Variants in TMEM164 observed in about 807,000 individuals in gnomAD.
TMEM164 encodes transmembrane protein 164.
Under a neutral mutation model 18.8 loss-of-function variants are expected in TMEM164, and 4 were observed. That is an observed-to-expected ratio of 0.21 (90% confidence interval 0.10 to 0.49). The LOEUF (loss-of-function observed/expected upper bound fraction) is 0.49. Among genes scored for constraint, TMEM164 ranks in the 20% least tolerant of loss-of-function variants. The probability of loss-of-function intolerance (pLI) is 0.98; values close to 1 mark genes in which losing one functional copy is unlikely to be tolerated. For missense variants in TMEM164, 108 were observed against 239.9 expected (o/e 0.45, Z 3.63); for synonymous variants, 86 against 101.7 (o/e 0.85, Z 0.93).
rs1483838890 is a variant in TMEM164, at chrX:110,046,192, G to A, written c.391-21155G>A. ...TATTTCTGTCAAGCTCAGTGCTGAC[G>A]TTATGGGCTTTGAATCCGTGTTCCT... On this transcript the variant is annotated intron_variant, in intron 2 of 6. Transcript: ENST00000372068. 45 of 753,201 alleles carry A rather than the reference G, an allele frequency of 6.0e-5. No homozygotes were observed. The Middle Eastern group carries it at 2.2e-3, about 37-fold the overall frequency. The allele number at this position is 753,201 out of a possible 1,213,427, so 62.1% of individuals were successfully genotyped here. A position where few individuals can be genotyped will look rare whatever the true frequency, so the allele number is the denominator to read the frequency against.
At chrX:110,062,073 A>G (rs1936145543) in intron 2 of TMEM164, among the ~76,000 whole-genome samples, 1 of 112,502 alleles carries the variant, frequency 8.9e-6, no homozygotes, top group African/African-American at 3.2e-5. Flanking sequence ...GGAATGACAA[A>G]TACATCTGAT....
chrX:110,132,580 C>T (rs2066628388), intron 4 of TMEM164, among the ~76,000 whole-genome samples: 1 of 111,713 alleles, frequency 9.0e-6, no homozygotes, highest in African/African-American at 3.3e-5. Context: ...TTCTGGCCCT[C>T]ATAAAAAGGG....
downstream of TMEM164, among the ~76,000 whole-genome samples, chrX:110,177,973 A>G (rs193186323): frequency 1.8e-5 from 2 of 111,779 alleles, no homozygotes; most frequent in Non-Finnish European, 3.8e-5. Context: ...CACATTGCCT[A>G]CTTCTGCCAG....
At chrX:110,152,501 T>C (rs763859382) in intron 5 of TMEM164, among the ~76,000 whole-genome samples, 2 of 111,951 alleles carry the variant, frequency 1.8e-5, no homozygotes, top group Non-Finnish European at 3.8e-5. Flanking sequence ...TTATTATTTT[T>C]TACATTTAAG....
At chrX:110,118,622 C>T (rs1374074432) in intron 4 of TMEM164, among the ~76,000 whole-genome samples, 1 of 111,162 alleles carries the variant, frequency 9.0e-6, no homozygotes, top group African/African-American at 3.3e-5. Context: ...CGCTGGACAC[C>T]AAATTCCAAA....
At chrX:110,022,199 ATG>A (rs754713777) in intron 2 of TMEM164, among the ~76,000 whole-genome samples, 13 of 107,252 alleles carry the variant, frequency 1.2e-4, no homozygotes, top group African/African-American at 2.0e-4. Context: ...ACCACTAGAA[ATG>A]TGTGTGTGTG....
Position 110,003,177 on chromosome X carries a change from G to A in TMEM164, c.-276G>A, listed in dbSNP as rs1358674574. The stretch of plus-strand genomic sequence containing the variant: ...CAGGAGTAAGAGATCCCTCTGTGGC[G>A]AGTGCGTGAGACGAGGAGTCCGGCG... On this transcript the variant is annotated splice_region_variant and 5_prime_UTR_variant, in exon 1 of 7. Transcript: ENST00000372068. The A allele has an allele frequency of 8.9e-6, 1 of 112,706 alleles. No individual in the cohort carries two copies. Among genetic ancestry groups the A allele is most frequent in the Non-Finnish European group, 1.9e-5 (1 of 53,349 alleles). 9.3% of individuals were successfully genotyped at this position (112,706 alleles called of 1,213,427 possible).
intron 4 of TMEM164, among the ~76,000 whole-genome samples, chrX:110,131,296 C>T (rs1487978379): frequency 8.9e-6 from 1 of 111,878 alleles, no homozygotes; most frequent in African/African-American, 3.3e-5. Context: ...AGATGCTTTC[C>T]TGCTTGCCTT....
In TMEM164 at chrX:110,139,565, T is replaced by C. The variant is rs181000448; in HGVS notation, c.508-5233T>C. On this transcript the variant is annotated intron_variant, in intron 4 of 6. Transcript: ENST00000372068. Reference sequence around the variant, plus strand: ...TGAAAGTCTGGCACTAAGTTTGTTGTCATGAATGTAAAGGGTTAATAGCAT... The same window carrying C: ...TGAAAGTCTGGCACTAAGTTTGTTGCCATGAATGTAAAGGGTTAATAGCAT... 7.1e-3 allele frequency among the ~76,000 whole-genome samples: 798 copies of C among 112,136 alleles called. 7 individuals carry two copies. Among genetic ancestry groups the C allele is most frequent in the African/African-American group, 0.023 (700 of 30,825 alleles).
At position 110,143,804 on chromosome X, in the gene TMEM164, GGTGTGTGTGT is replaced by G. The variant is rs759024255; in HGVS notation, c.508-973_508-964del. On this transcript the variant is annotated intron_variant, in intron 4 of 6. Coordinates refer to ENST00000372068, the MANE Select transcript of TMEM164 (RefSeq NM_032227.4). ...CTTTGTCTGTCCTGGCATACTTTGGGGTGTGTGTGTGTGTGTGTGTGTGTGTGTGTACACG... is the reference window on the plus strand; with the variant it reads ...CTTTGTCTGTCCTGGCATACTTTGGGGTGTGTGTGTGTGTGTGTGTACACG... Among the ~76,000 whole-genome samples, 4 of 103,074 alleles carry G rather than the reference GGTGTGTGTGT, an allele frequency of 3.9e-5. No homozygotes were observed. In the East Asian group the frequency reaches 9.1e-4, roughly 23 times the overall value. The allele number at this position is 103,074 out of a possible 115,157, so 89.5% of individuals were successfully genotyped here.
At chrX:110,093,936 C>T (rs879193927) in intron 3 of TMEM164, among the ~76,000 whole-genome samples, 7 of 111,578 alleles carry the variant, frequency 6.3e-5, no homozygotes, top group African/African-American at 1.6e-4. Flanking sequence ...GCCTTCATTT[C>T]GTTATGTACC....
intron 3 of TMEM164, among the ~76,000 whole-genome samples, chrX:110,090,634 G>A (rs994909629): frequency 2.7e-5 from 3 of 111,450 alleles, no homozygotes; most frequent in South Asian, 3.7e-4. Context: ...TTAAACATAC[G>A]GAAAAGTGAA....
chrX:110,179,202 G>T (rs1421364218), downstream of TMEM164, among the ~76,000 whole-genome samples: 2 of 111,366 alleles, frequency 1.8e-5, no homozygotes, highest in Admixed American at 9.5e-5. Context: ...TTTCCCCATG[G>T]GTTCCTTTTT....
At position 110,025,779 on chromosome X, in the gene TMEM164, T is replaced by C. The variant is rs756217464; in HGVS notation, c.390+21615T>C. On this transcript the variant is annotated intron_variant, in intron 2 of 6. Coordinates refer to ENST00000372068, the MANE Select transcript of TMEM164 (RefSeq NM_032227.4). ...CCTCTGGTCTCAGTAAGAAGGAGAATTGAAATACTCAGTGTCACACTCATT... is the reference window on the plus strand; with the variant it reads ...CCTCTGGTCTCAGTAAGAAGGAGAACTGAAATACTCAGTGTCACACTCATT... Among the ~76,000 whole-genome samples the C allele has an allele frequency of 2.7e-5, 3 of 112,066 alleles. No homozygotes were observed. The South Asian group carries it at 1.1e-3, about 42-fold the overall frequency.
chrX:110,015,338 A>G (rs777568871), intron 2 of TMEM164, among the ~76,000 whole-genome samples: 8 of 112,011 alleles, frequency 7.1e-5, no homozygotes, highest in Admixed American at 1.9e-4. Context: ...CATGTTTTCT[A>G]TAACCTGGTT....
At chrX:110,132,810 T>C (rs992518376) in intron 4 of TMEM164, among the ~76,000 whole-genome samples, 2 of 112,024 alleles carry the variant, frequency 1.8e-5, no homozygotes, top group Admixed American at 1.9e-4. Context: ...TCCTCAGTTT[T>C]CTCATCTTCA....
chrX:110,116,054 A>G (rs1163403971), intron 4 of TMEM164, among the ~76,000 whole-genome samples: 4 of 111,998 alleles, frequency 3.6e-5, no homozygotes, highest in Non-Finnish European at 7.5e-5. Context: ...GGCCAACACT[A>G]CTGCACTTCA....
chrX:110,027,232 A>AT (rs1157069319), intron 2 of TMEM164, among the ~76,000 whole-genome samples: 1 of 111,359 alleles, frequency 9.0e-6, no homozygotes, highest in East Asian at 2.8e-4. Flanking sequence ...GTTTGCTAAG[A>AT]TTTTTTAAAA....
chrX:110,030,206 A>T (rs1376354405), intron 2 of TMEM164, among the ~76,000 whole-genome samples: 1 of 88,985 alleles, frequency 1.1e-5, no homozygotes, highest in Non-Finnish European at 2.1e-5. Flanking sequence ...TGTAGCCTTG[A>T]CTTCCCTGGG....
Sources: allele counts gnomAD v4.1 joint callset (sites outside exome capture counted in the v4.1 genomes callset), GRCh38; gene constraint gnomAD v4.1.1; transcripts MANE v1.5; gene names NCBI Gene and HGNC (gene_info 2026-07-23, HGNC 2026-07-21).